Variants in SPAG16 observed in about 807,000 individuals in gnomAD.
SPAG16 encodes the protein sperm-associated antigen 16 protein.
SPAG16 carries 86 observed loss-of-function variants against 80.4 expected under a neutral mutation model. That is an observed-to-expected ratio of 1.07 (90% CI 0.90 to 1.28). The LOEUF (loss-of-function observed/expected upper bound fraction) is 1.28, where lower values mean the gene tolerates loss of function less well. Among genes scored for constraint, SPAG16 ranks in the 50% most tolerant of loss-of-function variants. The probability of loss-of-function intolerance (pLI) is 0.00; values close to 1 mark genes in which losing one functional copy is unlikely to be tolerated. For missense variants in SPAG16, 870 were observed against 765.3 expected (o/e 1.14, Z -1.61); for synonymous variants, 294 against 265.9 (o/e 1.11, Z -1.03).
At chr2:213,616,919 A>G (rs968731210) in intron 10 of SPAG16, among the ~76,000 whole-genome samples, 1 of 152,204 alleles carries the variant, frequency 6.6e-6, no homozygotes, top group Non-Finnish European at 1.5e-5. Flanking sequence ...CTTGGGGTCT[A>G]GGAAGCAAGA....
At chr2:214,189,835 A>G (rs1267572530) in intron 15 of SPAG16, among the ~76,000 whole-genome samples, 1 of 152,070 alleles carries the variant, frequency 6.6e-6, no homozygotes, top group African/African-American at 2.4e-5. Flanking sequence ...TTCTTTACCA[A>G]AAACTGAGCT....
chr2:213,783,377 T>C (rs2070139361), intron 10 of SPAG16, among the ~76,000 whole-genome samples: 1 of 151,580 alleles, frequency 6.6e-6, no homozygotes, highest in Non-Finnish European at 1.5e-5. Context: ...TTTTGAAGCC[T>C]TTTTATATAT....
intron 12 of SPAG16, among the ~76,000 whole-genome samples, chr2:213,947,845 C>T (rs4453640): frequency 0.33 from 49,806 of 151,852 alleles, 8,896 homozygotes; most frequent in South Asian, 0.47. Flanking sequence ...TTATTATAAC[C>T]GTATAGTAAG....
At chr2:213,535,608 T>C (rs1260505839) in intron 10 of SPAG16, among the ~76,000 whole-genome samples, 1 of 152,174 alleles carries the variant, frequency 6.6e-6, no homozygotes, top group East Asian at 1.9e-4. Flanking sequence ...TTTTCTGTAT[T>C]ATTAAACAAT....
intron 10 of SPAG16, among the ~76,000 whole-genome samples, chr2:213,576,025 TA>T (rs2060112574): frequency 6.6e-6 from 1 of 152,212 alleles, no homozygotes; most frequent in African/African-American, 2.4e-5. Context: ...TGGTATTGCC[TA>T]GGTTGTCTTC....
chr2:213,763,171 G>A (rs2068751844), intron 10 of SPAG16, among the ~76,000 whole-genome samples: 1 of 152,140 alleles, frequency 6.6e-6, no homozygotes, highest in Admixed American at 6.5e-5. Flanking sequence ...TCCTTGAGTT[G>A]TGTTAGTGTG....
At chr2:213,361,493 G>A (rs2065976408) in intron 7 of SPAG16, among the ~76,000 whole-genome samples, 1 of 151,272 alleles carries the variant, frequency 6.6e-6, no homozygotes, top group South Asian at 2.1e-4. Flanking sequence ...AACATATCCA[G>A]TGTTAGGATC....
At chr2:214,295,769 C>G (rs1694088510) in intron 15 of SPAG16, among the ~76,000 whole-genome samples, 1 of 151,934 alleles carries the variant, frequency 6.6e-6, no homozygotes, top group South Asian at 2.1e-4. Flanking sequence ...CCAGCCTGGG[C>G]CACAGAACAA....
chr2:213,487,332 A>G (rs757133132), intron 9 of SPAG16, among the ~76,000 whole-genome samples: 13 of 152,046 alleles, frequency 8.6e-5, no homozygotes, highest in Non-Finnish European at 1.5e-4. Flanking sequence ...TTCCAATTGT[A>G]TCTTGTCAAT....
At chr2:214,013,179 C>CTTT (rs11382197) in intron 12 of SPAG16, among the ~76,000 whole-genome samples, 5 of 138,906 alleles carry the variant, frequency 3.6e-5, no homozygotes, top group South Asian at 2.3e-4. Context: ...AGTATTTTGT[C>CTTT]TTTTTTTTTT....
intron 11 of SPAG16, 118 bp downstream of exon 11, chr2:213,862,746 A>G (rs1166737047): frequency 1.8e-6 from 2 of 1,120,770 alleles, no homozygotes; most frequent in East Asian, 2.5e-5. Flanking sequence ...CACACCCTGC[A>G]CTGAATTTCA....
chr2:213,849,195 A>T (rs936630714), intron 10 of SPAG16, among the ~76,000 whole-genome samples: 1 of 152,118 alleles, frequency 6.6e-6, no homozygotes, highest in Non-Finnish European at 1.5e-5. Flanking sequence ...GCAGGAGATG[A>T]AACGAGAAAG....
chr2:213,765,112 A>C (rs1454561417), intron 10 of SPAG16, among the ~76,000 whole-genome samples: 2 of 152,272 alleles, frequency 1.3e-5, no homozygotes. Context: ...TCATGCCTGT[A>C]ATCCCAGCAC....
chr2:213,777,238 T>TTC (rs1491207314), intron 10 of SPAG16, among the ~76,000 whole-genome samples: 34 of 25,412 alleles, frequency 1.3e-3, no homozygotes, highest in African/African-American at 4.2e-3. Flanking sequence ...TTTGTAGGAA[T>TTC]TTTTTTTTTT....
At chr2:213,640,812 C>A (rs2062559474) in intron 10 of SPAG16, among the ~76,000 whole-genome samples, 1 of 152,180 alleles carries the variant, frequency 6.6e-6, no homozygotes, top group Admixed American at 6.5e-5. Context: ...CTGTTATTTT[C>A]TCCTTCCTTG....
intron 15 of SPAG16, among the ~76,000 whole-genome samples, chr2:214,402,437 T>C (rs1701761484): frequency 6.6e-6 from 1 of 152,050 alleles, no homozygotes; most frequent in South Asian, 2.1e-4. Flanking sequence ...CTTTTCTTAA[T>C]TCTTAAATTA....
At chr2:214,264,120 G>T (rs181661741) in intron 15 of SPAG16, among the ~76,000 whole-genome samples, 12 of 152,176 alleles carry the variant, frequency 7.9e-5, no homozygotes, top group Admixed American at 6.6e-4. Context: ...TGTTCTTCCT[G>T]CTTAAACCCT....
intron 14 of SPAG16, among the ~76,000 whole-genome samples, chr2:214,129,918 A>G (rs1412183477): frequency 1.3e-5 from 2 of 152,158 alleles, no homozygotes; most frequent in Non-Finnish European, 2.9e-5. Context: ...TTTGTGACTC[A>G]ATACTTACCG....
intron 12 of SPAG16, among the ~76,000 whole-genome samples, chr2:214,013,184 T>TTA (rs1229252111): frequency 6.6e-6 from 1 of 151,464 alleles, no homozygotes; most frequent in Non-Finnish European, 1.5e-5. Flanking sequence ...TTTGTCTTTT[T>TTA]TTTTTTTTTT....
Sources: allele counts gnomAD v4.1 joint callset (sites outside exome capture counted in the v4.1 genomes callset), GRCh38; gene constraint gnomAD v4.1.1; transcripts MANE v1.5; gene names NCBI Gene and HGNC (gene_info 2026-07-23, HGNC 2026-07-21).